Variants in PRR16 observed in about 807,000 individuals in gnomAD.
PRR16 encodes the protein proline rich 16.
A neutral mutation model predicts 18.2 loss-of-function variants in PRR16; 6 were observed. The observed-to-expected ratio is 0.33, with a 90% CI of 0.18 to 0.65. The LOEUF is 0.65. Ranked by LOEUF, PRR16 falls within the 30% of genes least tolerant of loss-of-function variation. PRR16 has a pLI of 0.74. For missense variants in PRR16, 412 were observed against 376.6 expected (o/e 1.09, Z -0.78); for synonymous variants, 151 against 147.8 (o/e 1.02, Z -0.16).
intron 1 of PRR16, among the ~76,000 whole-genome samples, chr5:120,650,660 A>T (rs1266390309): frequency 1.3e-5 from 2 of 152,146 alleles, no homozygotes; most frequent in East Asian, 3.9e-4. Context: ...ACATGAACTC[A>T]TCATTTTTAT....
Position 120,584,118 on chromosome 5 carries a change from G to T in PRR16, c.160-101836G>T, listed in dbSNP as rs148181253. 5.2e-4 allele frequency among the ~76,000 whole-genome samples: 79 copies of T among 152,250 alleles called. No individual in the cohort carries two copies. The East Asian group carries it at 0.014, about 27-fold the overall frequency. On this transcript the variant is annotated intron_variant, in intron 1 of 1. Transcript: ENST00000407149. ...TAGGCGAAGGGAAGCCACTTGAAAA[G>T]AATGGAGAAATGATGTCCCAGGGAC... is the stretch of plus-strand genomic sequence containing the variant.
intron 1 of PRR16, among the ~76,000 whole-genome samples, chr5:120,668,732 A>T (rs1161618269): frequency 6.6e-6 from 1 of 152,176 alleles, no homozygotes; most frequent in African/African-American, 2.4e-5. Flanking sequence ...TTGGCTGGAT[A>T]TGAAATTCTA....
chr5:120,650,417 T>C (rs1160382368), intron 1 of PRR16, among the ~76,000 whole-genome samples: 1 of 151,650 alleles, frequency 6.6e-6, no homozygotes, highest in Non-Finnish European at 1.5e-5. Context: ...CATGTTGGTG[T>C]GCTGCACCCA....
chr5:120,714,564 G>T, the PRR16 span, among the ~76,000 whole-genome samples: 3 of 135,458 alleles, frequency 2.2e-5, no homozygotes, highest in Non-Finnish European at 5.2e-5. Flanking sequence ...TTCAACCATT[G>T]TAGAAGACAG....
intron 1 of PRR16, among the ~76,000 whole-genome samples, chr5:120,532,672 A>G (rs1225687304): frequency 2.6e-5 from 4 of 152,146 alleles, no homozygotes; most frequent in African/African-American, 9.7e-5. Context: ...TGAAATATTC[A>G]GTTTTCTCTT....
chr5:120,642,693 A>G (rs758459017), intron 1 of PRR16, among the ~76,000 whole-genome samples: 6 of 152,072 alleles, frequency 3.9e-5, no homozygotes, highest in Non-Finnish European at 5.9e-5. Flanking sequence ...TCTTTCCAGA[A>G]TGTGTCCCCT....
chr5:120,777,683 G>T, the PRR16 span, among the ~76,000 whole-genome samples: 1 of 152,010 alleles, frequency 6.6e-6, no homozygotes, highest in Non-Finnish European at 1.5e-5. Context: ...ACTAAAAAGA[G>T]GCCTTCTGAT....
chr5:120,633,590 A>G (rs1315695319), intron 1 of PRR16, among the ~76,000 whole-genome samples: 1 of 152,166 alleles, frequency 6.6e-6, no homozygotes, highest in Non-Finnish European at 1.5e-5. Flanking sequence ...TTCAGACAAA[A>G]CAAACTTTAA....
intron 1 of PRR16, among the ~76,000 whole-genome samples, chr5:120,640,681 T>C (rs986304481): frequency 2.0e-5 from 3 of 152,146 alleles, no homozygotes; most frequent in African/African-American, 7.2e-5. Flanking sequence ...AGGGTAACTT[T>C]TGGCCAACTC....
At chr5:120,625,538 A>G (rs563208685) in intron 1 of PRR16, among the ~76,000 whole-genome samples, 7 of 152,174 alleles carry the variant, frequency 4.6e-5, no homozygotes, top group African/African-American at 1.7e-4. Context: ...GGTTCTCACT[A>G]TATTGTCCAG....
At chr5:120,499,615 T>C (rs1750379879) in intron 1 of PRR16, among the ~76,000 whole-genome samples, 2 of 152,160 alleles carry the variant, frequency 1.3e-5, no homozygotes, top group Non-Finnish European at 2.9e-5. Flanking sequence ...CCTCTCTATA[T>C]CTTATATCTT....
chr5:120,755,606 C>T, the PRR16 span, among the ~76,000 whole-genome samples: 1 of 151,846 alleles, frequency 6.6e-6, no homozygotes, highest in Non-Finnish European at 1.5e-5. Flanking sequence ...TGTATATGTA[C>T]CATATTTTCT....
chr5:120,700,336 G>C, the PRR16 span, among the ~76,000 whole-genome samples: 1 of 152,096 alleles, frequency 6.6e-6, no homozygotes, highest in Non-Finnish European at 1.5e-5. Context: ...ATGGGATATT[G>C]GCCTTGAGTG....
chr5:120,585,647 A>G (rs1211674465), intron 1 of PRR16, among the ~76,000 whole-genome samples: 1 of 148,824 alleles, frequency 6.7e-6, no homozygotes, highest in Non-Finnish European at 1.5e-5. Context: ...TCTTCACACT[A>G]CCCCACTCCT....
the PRR16 span, among the ~76,000 whole-genome samples, chr5:120,696,428 A>G: frequency 6.6e-6 from 1 of 152,320 alleles, no homozygotes; most frequent in East Asian, 1.9e-4. Context: ...AACAAGAAAC[A>G]TATAGTTTCT....
intron 1 of PRR16, among the ~76,000 whole-genome samples, chr5:120,644,636 C>A (rs1412175649): frequency 6.6e-6 from 1 of 152,048 alleles, no homozygotes; most frequent in African/African-American, 2.4e-5. Flanking sequence ...ATTTCATAAT[C>A]TTTTTTGAGA....
chr5:120,665,680 A>G (rs1294068506), intron 1 of PRR16, among the ~76,000 whole-genome samples: 1 of 152,166 alleles, frequency 6.6e-6, no homozygotes, highest in Non-Finnish European at 1.5e-5. Context: ...ACGTATGGCT[A>G]GCCAGTTTTC....
the PRR16 span, among the ~76,000 whole-genome samples, chr5:120,787,503 C>T: frequency 6.6e-6 from 1 of 152,084 alleles, no homozygotes; most frequent in Admixed American, 6.6e-5. Context: ...CTACTTTTAA[C>T]TTATGGCCAC....
At position 120,670,549 on chromosome 5, in the gene PRR16, C is replaced by T. The variant is rs187971569; in HGVS notation, c.160-15405C>T. On this transcript the variant is annotated intron_variant, in intron 1 of 1. Transcript: ENST00000407149. Reference sequence around the variant, plus strand: ...CTACAAGAATTTCAAATATTAAACCCTCTCTTTCATGTCACGTATTCTGGA... The same window carrying T: ...CTACAAGAATTTCAAATATTAAACCTTCTCTTTCATGTCACGTATTCTGGA... Among the ~76,000 whole-genome samples, 13 of 152,180 alleles carry T rather than the reference C, an allele frequency of 8.5e-5. No homozygotes were observed. The East Asian group carries it at 2.1e-3, about 25-fold the overall frequency.
Sources: allele counts gnomAD v4.1 joint callset (sites outside exome capture counted in the v4.1 genomes callset), GRCh38; gene constraint gnomAD v4.1.1; transcripts MANE v1.5; gene names NCBI Gene and HGNC (gene_info 2026-07-23, HGNC 2026-07-21).